CST11: variants seen among roughly 807,000 people sequenced by gnomAD.
CST11 encodes cystatin 11, also known as cystatin-11.
Under a neutral mutation model 14.0 loss-of-function variants are expected in CST11, and 13 were observed. The observed-to-expected ratio is 0.93, with a 90% CI of 0.60 to 1.47. The LOEUF is 1.47. CST11 is among the 40% of genes most tolerant of loss of function. The pLI, the probability that CST11 is intolerant of heterozygous loss-of-function variation, is 0.00. For missense variants in CST11, 181 were observed against 160.0 expected, an observed-to-expected ratio of 1.13 and a Z score of -0.71; for synonymous variants, 64 against 57.8, an observed-to-expected ratio of 1.11 and a Z score of -0.48.
intron 2 of CST11, among the ~76,000 whole-genome samples, chr20:23,451,460 T>A (rs1433600265): frequency 6.6e-6 from 1 of 152,206 alleles, no homozygotes; most frequent in Non-Finnish European, 1.5e-5. Flanking sequence ...CGCGGCCTTG[T>A]CATGTTGACT....
Position 23,452,697 on chromosome 20 carries a change from C to T in CST11, c.115G>A (p.Ala39Thr), listed in dbSNP as rs745618464. ...CTGTCCTTCGCATAGTTTTCTACTGCCATCACTTCATGGACGCTTAGAAAG... is the reference window on the plus strand; with the variant it reads ...CTGTCCTTCGCATAGTTTTCTACTGTCATCACTTCATGGACGCTTAGAAAG... ...KTFLSVHEVM[A>T]VENYAKDSLQ... Residue 39 changes from alanine (A) to threonine (T), a missense_variant, in exon 1 of 3, where the codon GCA becomes ACA. Transcript: ENST00000377009. 10 of 1,613,964 alleles carry T rather than the reference C, an allele frequency of 6.2e-6. No homozygotes were observed. In the East Asian group the frequency reaches 1.8e-4, roughly 29 times the overall value.
chr20:23,452,565 C>G lies in CST11; in HGVS notation c.228+19G>C. Reference sequence around the variant, plus strand: ...TGGGCGTATCAGGCCTGGGGAGAGGCGGGAAGTCATACACTCACCTGCCTC... The same window carrying G: ...TGGGCGTATCAGGCCTGGGGAGAGGGGGGAAGTCATACACTCACCTGCCTC... On this transcript the variant is annotated intron_variant, in intron 1 of 2. Transcript: ENST00000377009. 2 of 1,513,942 alleles carry G rather than the reference C, an allele frequency of 1.3e-6. No individual in the cohort carries two copies. Among genetic ancestry groups the G allele is most frequent in the Non-Finnish European group, 9.2e-7 (1 of 1,088,860 alleles). 93.8% of individuals were successfully genotyped at this position (1,513,942 alleles called of 1,614,324 possible).
At chr20:23,451,792 C>A in intron 2 of CST11, 24 bp downstream of exon 2, 1 of 1,561,292 alleles carries the variant, frequency 6.4e-7, no homozygotes, top group Non-Finnish European at 8.8e-7. Context: ...CTTCTGTCTA[C>A]GTTAAAGTGC....
Position 23,452,599 on chromosome 20 carries a change from AAGGAC to A in CST11, c.208_212del (p.Val70Ter), listed in dbSNP as rs944711044. 2.5e-6 allele frequency: 4 copies of A among 1,611,644 alleles called. No homozygotes were observed. In the Admixed American group the frequency reaches 6.7e-5, roughly 27 times the overall value. Reference sequence around the variant, plus strand: ...ATACACTCACCTGCCTCTGGACTTTAAGGACTCGGAAGATCCTGAAGTGGTACTTG... The same window carrying A: ...ATACACTCACCTGCCTCTGGACTTTATCGGAAGATCCTGAAGTGGTACTTG... On this transcript the variant is annotated frameshift_variant, in exon 1 of 3. Coordinates refer to ENST00000377009, the MANE Select transcript of CST11 (RefSeq NM_130794.2). LOFTEE classifies it high-confidence loss of function.
chr20:23,450,727 A>T (rs1987064504), intron 2 of CST11, 138 bp from the exon 3 acceptor site: 1 of 534,730 alleles, frequency 1.9e-6, no homozygotes, highest in Non-Finnish European at 3.3e-6. Flanking sequence ...CCACAAACAG[A>T]AGGACATTTT....
At chr20:23,451,034 T>G (rs1987073210) in intron 2 of CST11, among the ~76,000 whole-genome samples, 1 of 152,028 alleles carries the variant, frequency 6.6e-6, no homozygotes, top group Non-Finnish European at 1.5e-5. Flanking sequence ...CCATCCCCCA[T>G]CCATCCATTT....
chr20:23,451,451 G>A (rs774549807), intron 2 of CST11, among the ~76,000 whole-genome samples: 3 of 152,158 alleles, frequency 2.0e-5, no homozygotes, highest in South Asian at 2.1e-4. Flanking sequence ...CAGCACTTGC[G>A]CGGCCTTGTC....
intron 2 of CST11, among the ~76,000 whole-genome samples, chr20:23,451,043 T>C (rs1042548805): frequency 3.3e-5 from 5 of 152,032 alleles, no homozygotes; most frequent in Non-Finnish European, 5.9e-5. Context: ...ATCCATCCAT[T>C]TACCCATCTG....
At position 23,452,789 on chromosome 20, in the gene CST11, G is replaced by A. The variant is rs746053773; in HGVS notation, c.23C>T (p.Ala8Val). 5.0e-6 allele frequency: 8 copies of A among 1,613,746 alleles called. No individual in the cohort carries two copies. In the Admixed American group the frequency reaches 6.7e-5, roughly 13 times the overall value. Residue 8 changes from alanine (A) to valine (V), a missense_variant, in exon 1 of 3, where the codon GCC becomes GTC. Physicochemically the swap from Ala to Val is moderately conservative, Grantham distance 64 (BLOSUM62 0). Coordinates refer to ENST00000377009, the MANE Select transcript of CST11 (RefSeq NM_130794.2). ...TAGAATGGCCAACAGGAGCTGTAGG[G>A]CCTGCCAGGGCTCAGCCATCATCCT... MMAEPWQALQLLLAILLT... is the reference protein window; with the variant it reads MMAEPWQVLQLLLAILLT...
At chr20:23,450,731 A>C in intron 2 of CST11, 142 bp from the exon 3 acceptor site, 1 of 528,888 alleles carries the variant, frequency 1.9e-6, no homozygotes, top group Non-Finnish European at 3.4e-6. Flanking sequence ...AAACAGAAGG[A>C]CATTTTCTGG....
chr20:23,450,550 A>T lies in CST11; in HGVS notation c.373T>A (p.Phe125Ile). ...CFFSVFAVPW[F>I]EQYKILNKSC... is the part of the protein sequence containing the mutation. ...TTGTTCAAAATTTTGTACTGTTCAA[A>T]CCAGGGTACAGCAAACACTGAGAAG... The change falls in exon 3 of 3, where the codon TTT (phenylalanine) becomes ATT (isoleucine). Residue 125 changes from phenylalanine (F) to isoleucine (I), a missense_variant. By Grantham distance (21) the Phe-to-Ile change is conservative. Transcript: ENST00000377009. The T allele has an allele frequency of 1.2e-6, 2 of 1,612,476 alleles. No homozygotes were observed. Among genetic ancestry groups the T allele is most frequent in the East Asian group, 4.5e-5 (2 of 44,818 alleles).
chr20:23,452,742 A>G lies in CST11; in HGVS notation c.70T>C (p.Tyr24His), dbSNP rs1014579417. Reference sequence around the variant, plus strand: ...AGAAAGGTTTTCTTCCTTGCTTGGTAGGGGAGGGCCATCAGAGTCAATAGA... The same window carrying G: ...AGAAAGGTTTTCTTCCTTGCTTGGTGGGGGAGGGCCATCAGAGTCAATAGA... ...AILLTLMALP[Y>H]QARKKTFLSV... Residue 24 changes from tyrosine to histidine, a missense_variant, in exon 1 of 3, where the codon TAC becomes CAC. By Grantham distance (83) the Tyr-to-His change is moderately conservative. Transcript: ENST00000377009. The G allele has an allele frequency of 6.2e-7, 1 of 1,614,010 alleles. No homozygotes were observed. Among genetic ancestry groups the G allele is most frequent in the African/African-American group, 1.3e-5 (1 of 74,910 alleles).
rs777468446 is a variant in CST11 at position 23,450,483 on chromosome 20, C to T, written c.*23G>A. 1.4e-5 allele frequency: 21 copies of T among 1,529,642 alleles called. No homozygotes were observed. Among genetic ancestry groups the T allele is most frequent in the East Asian group, 6.9e-5 (3 of 43,786 alleles). The allele number at this position is 1,529,642 out of a possible 1,614,324, so 94.8% of individuals were successfully genotyped here. On this transcript the variant is annotated 3_prime_UTR_variant, in exon 3 of 3. Transcript: ENST00000377009. ...GCAGGATTCTCTCACATGCAGTGGC[C>T]GCAGTTGTACACTCCAGGACACCTA...
chr20:23,450,638 TA>T, intron 2 of CST11, 49 bp from the exon 3 acceptor site: 2 of 1,445,162 alleles, frequency 1.4e-6, no homozygotes, highest in Non-Finnish European at 1.9e-6. Flanking sequence ...AGGTGAAATT[TA>T]AAAGGAGAAG....
intron 1 of CST11, 38 bp downstream of exon 1, chr20:23,452,546 T>C (rs377049650): frequency 1.1e-5 from 15 of 1,321,924 alleles, no homozygotes; most frequent in Non-Finnish European, 1.5e-5. Context: ...GATGTGGGCG[T>C]ATCAGGCCTG....
At chr20:23,452,299 A>G (rs111719213) in intron 1 of CST11, among the ~76,000 whole-genome samples, 11 of 152,322 alleles carry the variant, frequency 7.2e-5, no homozygotes, top group African/African-American at 2.6e-4. Context: ...AAGCAGTGGC[A>G]GACAAAGCAC....
chr20:23,452,866 C>A lies in CST11; in HGVS notation c.-55G>T. 2 of 1,392,796 alleles carry A rather than the reference C, an allele frequency of 1.4e-6. No individual in the cohort carries two copies. Among genetic ancestry groups the A allele is most frequent in the South Asian group, 2.5e-5 (2 of 81,592 alleles). 86.3% of individuals were successfully genotyped at this position (1,392,796 alleles called of 1,614,324 possible). On this transcript the variant is annotated 5_prime_UTR_variant, in exon 1 of 3. Coordinates refer to ENST00000377009, the MANE Select transcript of CST11 (RefSeq NM_130794.2). ...TTCTCTGTACTCCTCAGGGACAAGT[C>A]GAATCACACTGACCCTACCTGCCCT...
Position 23,452,778 on chromosome 20 carries a change from G to A in CST11, c.34C>T (p.Leu12=), listed in dbSNP as rs781161436. 24 of 1,614,030 alleles carry A rather than the reference G, an allele frequency of 1.5e-5. No individual in the cohort carries two copies. Among genetic ancestry groups the A allele is most frequent in the Non-Finnish European group, 2.0e-5 (24 of 1,180,018 alleles). ...MAEPWQALQL[L]LAILLTLMAL... ...ATCAGAGTCAATAGAATGGCCAACAGGAGCTGTAGGGCCTGCCAGGGCTCA... is the reference window on the plus strand; with the variant it reads ...ATCAGAGTCAATAGAATGGCCAACAAGAGCTGTAGGGCCTGCCAGGGCTCA... The change falls in exon 1 of 3, where the codon CTG becomes TTG. Residue 12 remains leucine, a synonymous_variant. Transcript: ENST00000377009.
intron 2 of CST11, 67 bp from the exon 3 acceptor site, chr20:23,450,656 G>T (rs1320843685): frequency 8.2e-7 from 1 of 1,212,684 alleles, no homozygotes; most frequent in African/African-American, 1.5e-5. Context: ...GAAGGAAGAG[G>T]ATGTAAGACA....
Sources: allele counts gnomAD v4.1 joint callset (sites outside exome capture counted in the v4.1 genomes callset), GRCh38; gene constraint gnomAD v4.1.1; transcripts MANE v1.5; gene names NCBI Gene and HGNC (gene_info 2026-07-23, HGNC 2026-07-21).